AGL: variants seen among roughly 807,000 people sequenced by gnomAD.
AGL encodes amylo-alpha-1,6-glucosidase and 4-alpha-glucanotransferase.
AGL carries 128 observed loss-of-function variants against 199.3 expected under a neutral mutation model. The ratio of observed to expected loss-of-function variants is 0.64; its 90% CI spans 0.56 to 0.74. The LOEUF (loss-of-function observed/expected upper bound fraction) is 0.74, where lower values mean the gene tolerates loss of function less well. Among genes scored for constraint, AGL ranks in the 30% least tolerant of loss-of-function variants. The pLI is 0.00. For missense variants in AGL, 1,809 were observed against 1,820.8 expected (o/e 0.99, Z 0.12); for synonymous variants, 584 against 594.7 (o/e 0.98, Z 0.26).
chr1:99,859,147 A>C (rs1649815543), intron 2 of AGL, among the ~76,000 whole-genome samples: 1 of 152,196 alleles, frequency 6.6e-6, no homozygotes, highest in Non-Finnish European at 1.5e-5. Flanking sequence ...TACTTGTTCA[A>C]AATGACACTA....
At chr1:99,874,933 A>G (rs556322409) in intron 8 of AGL, 123 bp downstream of exon 8, 4 of 1,271,880 alleles carry the variant, frequency 3.1e-6, no homozygotes, top group African/African-American at 1.5e-5. Context: ...ATTCACTGTA[A>G]TTCTACTATT....
At chr1:99,867,316 A>G (rs1305402473) in intron 5 of AGL, among the ~76,000 whole-genome samples, 3 of 152,204 alleles carry the variant, frequency 2.0e-5, no homozygotes. Flanking sequence ...ACATCTTAGT[A>G]AGAACAGGAG....
intron 33 of AGL, among the ~76,000 whole-genome samples, chr1:99,918,966 A>G (rs1416194336): frequency 2.0e-5 from 3 of 152,058 alleles, no homozygotes; most frequent in Non-Finnish European, 2.9e-5. Flanking sequence ...ATCCTTTTGG[A>G]TGGTTCTTTC....
rs751809070 is a variant in AGL at position 99,871,345 on chromosome 1, C to T, written c.958+476C>T. 9.3e-5 allele frequency among the ~76,000 whole-genome samples: 14 copies of T among 150,514 alleles called. 1 individual carries two copies. The highest frequency in any genetic ancestry group is 2.9e-4 in the African/African-American group (12 of 41,074). The stretch of plus-strand genomic sequence containing the variant: ...TAGTGATATTGAAGCCAGATATTGA[C>T]GAGATAACAAAAGGTAACGAAGTGA... On this transcript the variant is annotated intron_variant, in intron 7 of 33. Transcript: ENST00000361915.
chr1:99,865,322 C>T (rs770248611), intron 5 of AGL, among the ~76,000 whole-genome samples: 4 of 152,074 alleles, frequency 2.6e-5, no homozygotes, highest in Non-Finnish European at 5.9e-5. Context: ...TACTATAGTA[C>T]TATAGCATAT....
At chr1:99,901,461 G>A (rs1321356877) in intron 26 of AGL, among the ~76,000 whole-genome samples, 2 of 150,748 alleles carry the variant, frequency 1.3e-5, no homozygotes, top group Non-Finnish European at 3.0e-5. Context: ...AGGGGACATA[G>A]TACTTAATAG....
chr1:99,849,354 C>G (rs1248852915), upstream of AGL, among the ~76,000 whole-genome samples: 1 of 152,134 alleles, frequency 6.6e-6, no homozygotes, highest in Non-Finnish European at 1.5e-5. Context: ...ACCAAATCTT[C>G]TGTCCATTTT....
chr1:99,861,187 T>TGGG (rs1367576779), intron 2 of AGL: 1 of 1,211,638 alleles, frequency 8.3e-7, no homozygotes, highest in Non-Finnish European at 1.0e-6. Flanking sequence ...GGGGTGAGGA[T>TGGG]GGGGGATCAT....
In AGL at chr1:99,883,825, A is replaced by C. The variant is rs17409324; in HGVS notation, c.2309-295A>C. The stretch of plus-strand genomic sequence containing the variant: ...AATATTCCAAGTTTTAAAAAAATGT[A>C]AGCCTTTCAAGTGATTTGCTTTTCT... On this transcript the variant is annotated intron_variant, in intron 17 of 33. Coordinates refer to ENST00000361915, the MANE Select transcript of AGL (RefSeq NM_000642.3). Among the ~76,000 whole-genome samples, 56,948 of 151,918 alleles carry C rather than the reference A, an allele frequency of 0.37. 11,647 individuals are homozygous for C. The highest frequency in any genetic ancestry group is 0.48 in the East Asian group (2,480 of 5,172).
intron 2 of AGL, 99 bp from the exon 3 acceptor site, chr1:99,861,404 A>G: frequency 6.4e-7 from 1 of 1,568,958 alleles, no homozygotes; most frequent in South Asian, 1.2e-5. Flanking sequence ...AACATAATTG[A>G]AAAATCAAGG....
intron 2 of AGL, among the ~76,000 whole-genome samples, chr1:99,860,944 T>A (rs979174456): frequency 6.6e-6 from 1 of 152,240 alleles, no homozygotes; most frequent in African/African-American, 2.4e-5. Context: ...TCGGGTTCAG[T>A]TGCCTTCAGA....
chr1:99,909,105 A>G (rs1370725116), intron 27 of AGL, among the ~76,000 whole-genome samples: 1 of 152,012 alleles, frequency 6.6e-6, no homozygotes, highest in African/African-American at 2.4e-5. Context: ...TGGGCAGGGC[A>G]TGGAAATCCG....
chr1:99,916,741 C>G lies in AGL; in HGVS notation c.4481+10C>G, dbSNP rs1026785989. 6.2e-6 allele frequency: 10 copies of G among 1,611,918 alleles called. No individual in the cohort carries two copies. The highest frequency in any genetic ancestry group is 8.5e-6 in the Non-Finnish European group (10 of 1,178,460). On this transcript the variant is annotated intron_variant, in intron 33 of 33. Transcript: ENST00000361915. Reference sequence around the variant, plus strand: ...ATGTTCATCTTGAGAGGTAAGTCATCAGGAGCATGTAATTTCCATAACTAG... The same window carrying G: ...ATGTTCATCTTGAGAGGTAAGTCATGAGGAGCATGTAATTTCCATAACTAG...
chr1:99,888,672 TTAAG>T (rs911572496), intron 21 of AGL, among the ~76,000 whole-genome samples: 4 of 152,206 alleles, frequency 2.6e-5, no homozygotes, highest in Admixed American at 2.0e-4. Flanking sequence ...GTTAAAGGAA[TTAAG>T]TATTTATCAG....
At chr1:99,901,964 T>C (rs2100822687) in intron 26 of AGL, among the ~76,000 whole-genome samples, 1 of 152,218 alleles carries the variant, frequency 6.6e-6, no homozygotes, top group Admixed American at 6.5e-5. Flanking sequence ...CACATAACTT[T>C]GTTTTCTCAC....
At chr1:99,916,109 T>C (rs555537694) in intron 31 of AGL, among the ~76,000 whole-genome samples, 4 of 152,260 alleles carry the variant, frequency 2.6e-5, no homozygotes, top group African/African-American at 4.8e-5. Flanking sequence ...TAGGAAATAG[T>C]TGACTTTAAA....
rs1655157642 is a variant in AGL at position 99,916,854 on chromosome 1, G to A, written c.4481+123G>A. On this transcript the variant is annotated intron_variant, in intron 33 of 33. Coordinates refer to ENST00000361915, the MANE Select transcript of AGL (RefSeq NM_000642.3). ...CCTAGGTATCCCAATGAAAAGTGAA[G>A]CCTTTATTCTTTAACATGACAAATT... The A allele has an allele frequency of 1.9e-5, 20 of 1,029,138 alleles. No individual in the cohort carries two copies. In the South Asian group the frequency reaches 2.6e-4, roughly 13 times the overall value. The allele number at this position is 1,029,138 out of a possible 1,614,324, so 63.8% of individuals were successfully genotyped here.
chr1:99,906,534 T>G (rs1454776508), intron 27 of AGL, among the ~76,000 whole-genome samples: 1 of 152,176 alleles, frequency 6.6e-6, no homozygotes, highest in Non-Finnish European at 1.5e-5. Flanking sequence ...TTCTTCCTCC[T>G]CTATCCCCAC....
chr1:99,895,283 T>G (rs1471415541), intron 24 of AGL, among the ~76,000 whole-genome samples: 1 of 152,010 alleles, frequency 6.6e-6, no homozygotes, highest in African/African-American at 2.4e-5. Flanking sequence ...TTCCTGACCT[T>G]ACTGTTTTAT....
Sources: gnomAD v4.1 joint callset for allele counts (sites outside exome capture counted in the v4.1 genomes callset) on GRCh38, gnomAD v4.1.1 for gene constraint, MANE v1.5 for transcripts, NCBI Gene and HGNC (gene_info 2026-07-23, HGNC 2026-07-21) for gene names.